UTRN: variants seen among roughly 807,000 people sequenced by gnomAD.
UTRN encodes dystrophin-related protein 1.
Under a neutral mutation model 463.9 loss-of-function variants are expected in UTRN, and 283 were observed. That is an observed-to-expected ratio of 0.61 (90% CI 0.55 to 0.67). The LOEUF is 0.67. Among genes scored for constraint, UTRN ranks in the 30% least tolerant of loss-of-function variants. UTRN has a pLI of 0.00. For missense variants in UTRN, 3,922 were observed against 4,084.3 expected (o/e 0.96, Z 1.08); for synonymous variants, 1,442 against 1,431.5 (o/e 1.01, Z -0.17).
intron 2 of UTRN, among the ~76,000 whole-genome samples, chr6:144,361,657 A>G (rs939311662): frequency 2.6e-5 from 4 of 152,048 alleles, no homozygotes; most frequent in Admixed American, 2.0e-4. Context: ...TGGCATGACC[A>G]TGGCTCATGC....
intron 61 of UTRN, among the ~76,000 whole-genome samples, chr6:144,788,135 A>G (rs1378053524): frequency 6.6e-6 from 1 of 152,186 alleles, no homozygotes; most frequent in East Asian, 1.9e-4. Flanking sequence ...TGAAATAGAA[A>G]TGATCTATCC....
chr6:144,325,317 G>A (rs1326138682), intron 2 of UTRN, among the ~76,000 whole-genome samples: 1 of 152,182 alleles, frequency 6.6e-6, no homozygotes, highest in African/African-American at 2.4e-5. Flanking sequence ...GCAGAAGTGG[G>A]TTAGTTATCT....
At chr6:144,813,281 C>G (rs980907447) in intron 65 of UTRN, among the ~76,000 whole-genome samples, 1 of 152,038 alleles carries the variant, frequency 6.6e-6, no homozygotes, top group African/African-American at 2.4e-5. Flanking sequence ...CTCTGCCTCC[C>G]GGGTTCAAGT....
At chr6:144,729,818 G>A (rs1365678977) in intron 53 of UTRN, among the ~76,000 whole-genome samples, 1 of 152,196 alleles carries the variant, frequency 6.6e-6, no homozygotes, top group South Asian at 2.1e-4. Context: ...GATAATTGGA[G>A]ACTGTTTTAT....
intron 2 of UTRN, among the ~76,000 whole-genome samples, chr6:144,369,920 T>C (rs963838553): frequency 6.6e-6 from 1 of 152,222 alleles, no homozygotes; most frequent in African/African-American, 2.4e-5. Flanking sequence ...TCTGCCATGA[T>C]TGCAAGGCCT....
At chr6:144,315,292 A>G (rs1300028098) in intron 2 of UTRN, among the ~76,000 whole-genome samples, 1 of 152,210 alleles carries the variant, frequency 6.6e-6, no homozygotes, top group African/African-American at 2.4e-5. Flanking sequence ...TGGCCTGAAC[A>G]GTGGCTTATC....
At chr6:144,799,681 G>C (rs1777545823) in intron 64 of UTRN, among the ~76,000 whole-genome samples, 1 of 152,100 alleles carries the variant, frequency 6.6e-6, no homozygotes, top group Non-Finnish European at 1.5e-5. Flanking sequence ...GTGCTAAGAG[G>C]TGTTATATTT....
chr6:144,615,292 T>C (rs934976052), intron 51 of UTRN, among the ~76,000 whole-genome samples: 54 of 152,172 alleles, frequency 3.5e-4, no homozygotes, highest in African/African-American at 1.2e-3. Context: ...ATAATCACTA[T>C]TAATTCAGTT....
chr6:144,448,880 GTAT>G, intron 17 of UTRN, 111 bp downstream of exon 17: 1 of 1,213,064 alleles, frequency 8.2e-7, no homozygotes, highest in Non-Finnish European at 1.1e-6. Flanking sequence ...GACATAATAA[GTAT>G]TATTATTATG....
intron 39 of UTRN, 25 bp from the exon 40 acceptor site, chr6:144,521,948 TATATATA>T: frequency 4.9e-6 from 6 of 1,214,958 alleles, no homozygotes; most frequent in South Asian, 2.1e-5. Context: ...TATATATATA[TATATATA>T]TTTTTTTTTT....
At position 144,851,701 on chromosome 6, in the gene UTRN, T is replaced by TA. The variant is rs1397108771; in HGVS notation, c.*709dup. On this transcript the variant is annotated 3_prime_UTR_variant, in exon 75 of 75. Coordinates refer to ENST00000367545, the MANE Select transcript of UTRN (RefSeq NM_007124.3). ...TTGCTGACCACTTGGATAACCGTAATAAAAATCCTATAAGCCTAAATGGCA... is the reference window on the plus strand; with the variant it reads ...TTGCTGACCACTTGGATAACCGTAATAAAAAATCCTATAAGCCTAAATGGCA... 6.6e-6 allele frequency: 1 copy of TA among 152,218 alleles called. No individual in the cohort carries two copies. The highest frequency in any genetic ancestry group is 1.5e-5 in the Non-Finnish European group (1 of 68,024). The allele number at this position is 152,218 out of a possible 1,614,324, so 9.4% of individuals were successfully genotyped here.
chr6:144,612,024 C>T (rs576886718), intron 51 of UTRN, among the ~76,000 whole-genome samples: 5 of 152,162 alleles, frequency 3.3e-5, no homozygotes, highest in Non-Finnish European at 2.9e-5. Flanking sequence ...GCATGCAATT[C>T]CACGTTGATC....
intron 52 of UTRN, among the ~76,000 whole-genome samples, chr6:144,692,864 T>G (rs1312589288): frequency 6.6e-6 from 1 of 152,202 alleles, no homozygotes. Flanking sequence ...TAGTTTCTTT[T>G]GCTGTGCAGA....
chr6:144,490,294 T>C (rs1045537304), intron 31 of UTRN, 95 bp downstream of exon 31: 11 of 1,497,310 alleles, frequency 7.3e-6, no homozygotes, highest in Admixed American at 4.5e-5. Flanking sequence ...CCGTTTGTAT[T>C]CTTTGTGATG....
intron 49 of UTRN, 80 bp from the exon 50 acceptor site, chr6:144,557,077 C>T (rs1171983387): frequency 1.3e-6 from 2 of 1,496,670 alleles, no homozygotes; most frequent in African/African-American, 2.8e-5. Context: ...ATGTCAAAAT[C>T]TGCTGGGAGT....
rs370701958 is a variant in UTRN at position 144,514,860 on chromosome 6, G to C, written c.5244+40G>C. ...TTTTAGAGTAAACCATTTTTCCTAT[G>C]GGTATGTATCTAAATGATAGTCATA... On this transcript the variant is annotated intron_variant, in intron 37 of 74. Coordinates refer to ENST00000367545, the MANE Select transcript of UTRN (RefSeq NM_007124.3). The C allele has an allele frequency of 1.4e-4, 218 of 1,585,700 alleles. No individual in the cohort carries two copies. In the African/African-American group the frequency reaches 2.5e-3, roughly 18 times the overall value.
At chr6:144,573,866 A>C (rs1330918880) in intron 50 of UTRN, among the ~76,000 whole-genome samples, 5 of 152,196 alleles carry the variant, frequency 3.3e-5, no homozygotes, top group African/African-American at 1.2e-4. Flanking sequence ...GTTAAAATAC[A>C]ATTTAAGAAT....
chr6:144,623,151 G>A (rs1438021777), intron 51 of UTRN, among the ~76,000 whole-genome samples: 2 of 152,178 alleles, frequency 1.3e-5, no homozygotes, highest in East Asian at 1.9e-4. Context: ...TCCTGATTTT[G>A]TAATTAGCTG....
chr6:144,444,440 ATTGTG>A lies in UTRN; in HGVS notation c.1614+59_1614+63del, dbSNP rs1787470087. On this transcript the variant is annotated intron_variant, in intron 14 of 74. Coordinates refer to ENST00000367545, the MANE Select transcript of UTRN (RefSeq NM_007124.3). ...AATGGTGAAAAGTAACCCATCTTTT[ATTGTG>A]ACTTTAGAATAAAGTTGCCTTGTTT... is the stretch of plus-strand genomic sequence containing the variant. 3 of 1,347,204 alleles carry A rather than the reference ATTGTG, an allele frequency of 2.2e-6. No homozygotes were observed. The African/African-American group carries it at 4.4e-5, about 20-fold the overall frequency. The allele number at this position is 1,347,204 out of a possible 1,614,324, so 83.5% of individuals were successfully genotyped here.
Sources: gnomAD v4.1 joint callset for allele counts (sites outside exome capture counted in the v4.1 genomes callset) on GRCh38, gnomAD v4.1.1 for gene constraint, MANE v1.5 for transcripts, NCBI Gene and HGNC (gene_info 2026-07-23, HGNC 2026-07-21) for gene names.